SGCZ: variants seen among roughly 807,000 people sequenced by gnomAD.
SGCZ encodes sarcoglycan zeta, also known as zeta-sarcoglycan.
SGCZ carries 40 observed loss-of-function variants against 41.3 expected under a neutral mutation model. That is an observed-to-expected ratio of 0.97 (90% CI 0.75 to 1.26). The LOEUF (loss-of-function observed/expected upper bound fraction) is 1.26. Ranked by LOEUF, SGCZ falls within the 50% of genes most tolerant of loss-of-function variation. The pLI is 0.00. For missense variants in SGCZ, 552 were observed against 369.8 expected (o/e 1.49, Z -4.04); for synonymous variants, 206 against 137.5 (o/e 1.50, Z -3.49).
intron 6 of SGCZ, among the ~76,000 whole-genome samples, chr8:14,105,117 TG>T (rs1002828051): frequency 1.8e-4 from 28 of 152,226 alleles, no homozygotes; most frequent in African/African-American, 5.8e-4. Flanking sequence ...CTATTTAACA[TG>T]TTTTTTTTAG....
intron 1 of SGCZ, among the ~76,000 whole-genome samples, chr8:14,964,654 C>T (rs570702953): frequency 5.3e-5 from 8 of 152,134 alleles, no homozygotes; most frequent in African/African-American, 1.9e-4. Flanking sequence ...TTGAAACAAG[C>T]GTTATGGTTC....
At chr8:14,819,688 A>G (rs1030247286) in intron 1 of SGCZ, among the ~76,000 whole-genome samples, 1 of 152,184 alleles carries the variant, frequency 6.6e-6, no homozygotes, top group East Asian at 1.9e-4. Flanking sequence ...AGGAACACAC[A>G]ACAGATAAAT....
intron 2 of SGCZ, among the ~76,000 whole-genome samples, chr8:14,532,710 G>A (rs1259721525): frequency 7.8e-6 from 1 of 128,746 alleles, no homozygotes; most frequent in African/African-American, 3.1e-5. Context: ...TGCTTTGTGT[G>A]TGGGGGGAGG....
At chr8:14,551,563 ATATATAATAT>A (rs1803852653) in intron 2 of SGCZ, among the ~76,000 whole-genome samples, 2 of 21,172 alleles carry the variant, frequency 9.4e-5, no homozygotes, top group Non-Finnish European at 1.4e-4. Context: ...TATATATTAT[ATATATAATAT>A]ATATATAATA....
chr8:15,078,887 A>C (rs1192276793), intron 1 of SGCZ, among the ~76,000 whole-genome samples: 1 of 152,060 alleles, frequency 6.6e-6, no homozygotes, highest in Non-Finnish European at 1.5e-5. Context: ...CAGTTTCTCT[A>C]CTATAAGCAA....
At chr8:14,237,411 T>C (rs1386390616) in intron 4 of SGCZ, among the ~76,000 whole-genome samples, 181 bp downstream of exon 4, 3 of 151,950 alleles carry the variant, frequency 2.0e-5, no homozygotes, top group Non-Finnish European at 2.9e-5. Flanking sequence ...CCCGATTGCT[T>C]GACCTCGTGA....
chr8:14,562,511 A>T (rs1371945859), intron 1 of SGCZ, among the ~76,000 whole-genome samples: 1 of 152,222 alleles, frequency 6.6e-6, no homozygotes, highest in East Asian at 1.9e-4. Context: ...TATAATGGAC[A>T]TGGTAATATA....
intron 1 of SGCZ, among the ~76,000 whole-genome samples, chr8:14,889,481 C>T (rs1804931617): frequency 6.6e-6 from 1 of 152,080 alleles, no homozygotes; most frequent in African/African-American, 2.4e-5. Flanking sequence ...TGACATCACA[C>T]TTCATATGTG....
chr8:14,208,972 A>G (rs79933063), intron 4 of SGCZ, among the ~76,000 whole-genome samples: 5,852 of 152,254 alleles, frequency 0.038, 122 homozygotes, highest in Middle Eastern at 0.068. Flanking sequence ...GCAGACATGG[A>G]CAAACAAGCT....
At position 15,151,536 on chromosome 8, in the gene SGCZ, A is replaced by AT. The variant is rs143334337; in HGVS notation, c.39+86048dup. 5.9e-3 allele frequency among the ~76,000 whole-genome samples: 898 copies of AT among 152,318 alleles called. 23 individuals carry two copies. The East Asian group carries it at 0.074, about 13-fold the overall frequency. ...GAAAGGCCTAAATAGGACTTCTTTA[A>AT]TTTTTAGTCCTCTCTGAATAAAATA... On this transcript the variant is annotated intron_variant, in intron 1 of 7. Coordinates refer to ENST00000382080, the MANE Select transcript of SGCZ (RefSeq NM_139167.4).
chr8:14,477,891 G>T (rs898688774), intron 2 of SGCZ, among the ~76,000 whole-genome samples: 1 of 152,100 alleles, frequency 6.6e-6, no homozygotes, highest in East Asian at 1.9e-4. Context: ...TCAATATACA[G>T]TTAACTTTTA....
Position 14,670,093 on chromosome 8 carries a change from G to A in SGCZ, c.40-115167C>T, listed in dbSNP as rs1013680273. On this transcript the variant is annotated intron_variant, in intron 1 of 7. Transcript: ENST00000382080. ...CTATCCTTAAATTCAACTCCAGCAG[G>A]AATTTTAAAAATTGTTTTTGACAGT... Among the ~76,000 whole-genome samples, 6 of 152,268 alleles carry A rather than the reference G, an allele frequency of 3.9e-5. No individual in the cohort carries two copies. In the East Asian group the frequency reaches 9.7e-4, roughly 25 times the overall value.
chr8:14,433,569 C>T (rs1800005511), intron 2 of SGCZ, among the ~76,000 whole-genome samples: 1 of 152,096 alleles, frequency 6.6e-6, no homozygotes, highest in African/African-American at 2.4e-5. Context: ...CCAAACTAAT[C>T]TGCCATTATG....
At chr8:15,002,845 C>T (rs914374019) in intron 1 of SGCZ, among the ~76,000 whole-genome samples, 4 of 152,146 alleles carry the variant, frequency 2.6e-5, no homozygotes, top group African/African-American at 9.7e-5. Flanking sequence ...TCTTGAATTA[C>T]AGATCCCATA....
At chr8:15,215,840 G>A (rs1801381702) in intron 1 of SGCZ, among the ~76,000 whole-genome samples, 1 of 152,060 alleles carries the variant, frequency 6.6e-6, no homozygotes, top group Non-Finnish European at 1.5e-5. Flanking sequence ...AAAATTCTTT[G>A]GCAGCCTGTA....
chr8:14,671,887 A>C (rs988721398), intron 1 of SGCZ, among the ~76,000 whole-genome samples: 1 of 152,160 alleles, frequency 6.6e-6, no homozygotes, highest in Admixed American at 6.6e-5. Context: ...TCCCAACATA[A>C]ACATACTAAT....
Position 15,232,939 on chromosome 8 carries a change from G to A in SGCZ, c.39+4646C>T, listed in dbSNP as rs566794756. Among the ~76,000 whole-genome samples, 4 of 151,514 alleles carry A rather than the reference G, an allele frequency of 2.6e-5. No individual in the cohort carries two copies. The South Asian group carries it at 8.3e-4, about 32-fold the overall frequency. Reference sequence around the variant, plus strand: ...ATTATAGATGTATAGTAACATCACAGTATAACCCATAAATGTATACAGTTG... The same window carrying A: ...ATTATAGATGTATAGTAACATCACAATATAACCCATAAATGTATACAGTTG... On this transcript the variant is annotated intron_variant, in intron 1 of 7. Transcript: ENST00000382080.
At chr8:14,991,303 G>A (rs898549019) in intron 1 of SGCZ, among the ~76,000 whole-genome samples, 4 of 152,042 alleles carry the variant, frequency 2.6e-5, no homozygotes, top group East Asian at 1.9e-4. Flanking sequence ...TATGATACAA[G>A]GACAAGCAGC....
At chr8:14,428,200 A>T (rs1224105514) in intron 2 of SGCZ, among the ~76,000 whole-genome samples, 1 of 151,784 alleles carries the variant, frequency 6.6e-6, no homozygotes, top group East Asian at 1.9e-4. Flanking sequence ...GCACATAAGC[A>T]CATAATTACC....
Sources: gnomAD v4.1 joint callset for allele counts (sites outside exome capture counted in the v4.1 genomes callset) on GRCh38, gnomAD v4.1.1 for gene constraint, MANE v1.5 for transcripts, NCBI Gene and HGNC (gene_info 2026-07-23, HGNC 2026-07-21) for gene names.